DCC: variants seen among roughly 807,000 people sequenced by gnomAD.
DCC encodes the protein DCC netrin 1 receptor.
DCC carries 58 observed loss-of-function variants against 172.5 expected under a neutral mutation model. The ratio of observed to expected loss-of-function variants is 0.34; its 90% CI spans 0.27 to 0.42. DCC has a LOEUF of 0.42. Among genes scored for constraint, DCC ranks in the 10% least tolerant of loss-of-function variants. DCC has a pLI of 1.00. For missense variants in DCC, 1,740 were observed against 1,791.0 expected (o/e 0.97, Z 0.51); for synonymous variants, 709 against 644.5 (o/e 1.10, Z -1.52).
At chr18:52,557,332 G>A (rs12456338) in intron 1 of DCC, among the ~76,000 whole-genome samples, 1 of 152,042 alleles carries the variant, frequency 6.6e-6, no homozygotes, top group Non-Finnish European at 1.5e-5. Context: ...AAACCTTCAG[G>A]AATAAATCTA....
At chr18:52,460,929 G>A (rs182452655) in intron 1 of DCC, among the ~76,000 whole-genome samples, 26 of 152,230 alleles carry the variant, frequency 1.7e-4, no homozygotes, top group Middle Eastern at 3.4e-3. Flanking sequence ...TATAAACACC[G>A]TATACTGAAG....
chr18:53,016,397 C>G (rs568996256), intron 5 of DCC, among the ~76,000 whole-genome samples: 28 of 152,122 alleles, frequency 1.8e-4, no homozygotes, highest in Non-Finnish European at 3.1e-4. Context: ...AAGCATCATG[C>G]ATTTAGCTGA....
chr18:53,499,357 C>T lies in DCC; in HGVS notation c.3958C>T (p.His1320Tyr), dbSNP rs1240473031. 3 of 1,613,986 alleles carry T rather than the reference C, an allele frequency of 1.9e-6. No homozygotes were observed. The highest frequency in any genetic ancestry group is 2.5e-6 in the Non-Finnish European group (3 of 1,180,020). Residue 1320 changes from histidine (H) to tyrosine (Y), a missense_variant, in exon 27 of 29, where the codon CAT becomes TAT. Coordinates refer to ENST00000442544, the MANE Select transcript of DCC (RefSeq NM_005215.4). ...PPMLPPSQPE[H>Y]SSSEEAPSRT... ...TATGCTGCCCCCATCTCAGCCTGAGCATTCTAGCAGCGAGGAGGCACCAAG... is the reference window on the plus strand; with the variant it reads ...TATGCTGCCCCCATCTCAGCCTGAGTATTCTAGCAGCGAGGAGGCACCAAG...
chr18:52,990,259 G>A (rs1011286551), intron 5 of DCC, among the ~76,000 whole-genome samples: 3 of 151,952 alleles, frequency 2.0e-5, no homozygotes, highest in African/African-American at 4.8e-5. Flanking sequence ...TAAGCAAAGC[G>A]GGCAGGCGCA....
At chr18:52,528,259 T>C (rs2032042296) in intron 1 of DCC, among the ~76,000 whole-genome samples, 1 of 152,224 alleles carries the variant, frequency 6.6e-6, no homozygotes, top group Non-Finnish European at 1.5e-5. Context: ...AGTTATAACA[T>C]TCTTCAAAAA....
intron 1 of DCC, among the ~76,000 whole-genome samples, chr18:52,394,067 C>G (rs1468445276): frequency 6.6e-6 from 1 of 152,032 alleles, no homozygotes; most frequent in Non-Finnish European, 1.5e-5. Context: ...AATCCAGCAC[C>G]ATTTACAATA....
intron 9 of DCC, among the ~76,000 whole-genome samples, chr18:53,201,272 G>C (rs2055532519): frequency 6.6e-6 from 1 of 152,108 alleles, no homozygotes; most frequent in East Asian, 1.9e-4. Flanking sequence ...CCAAATCTCT[G>C]CTCCCAGATT....
Position 53,085,946 on chromosome 18 carries a change from T to G in DCC, c.1261+19780T>G. Among the ~76,000 whole-genome samples, 2 of 145,348 alleles carry G rather than the reference T, an allele frequency of 1.4e-5. 1 individual carries two copies. On this transcript the variant is annotated intron_variant, in intron 7 of 28. Transcript: ENST00000442544. ...CAGACCTCTGTCATTTCAGCTTTGG[T>G]GGAGTATTTTCTCTTCTTCTTCTTC...
chr18:52,974,639 G>A (rs1221968872), intron 5 of DCC, among the ~76,000 whole-genome samples: 3 of 152,184 alleles, frequency 2.0e-5, no homozygotes, highest in African/African-American at 7.2e-5. Flanking sequence ...TGTTTTCTGA[G>A]CCCACGTTGT....
At chr18:52,912,232 A>G (rs1313109808) in intron 3 of DCC, among the ~76,000 whole-genome samples, 1 of 152,088 alleles carries the variant, frequency 6.6e-6, no homozygotes, top group African/African-American at 2.4e-5. Flanking sequence ...AAGTAATACC[A>G]CATATTTCAT....
chr18:52,826,321 G>A (rs2038508188), intron 2 of DCC, among the ~76,000 whole-genome samples: 1 of 152,238 alleles, frequency 6.6e-6, no homozygotes, highest in Non-Finnish European at 1.5e-5. Context: ...AGGTGTCCCT[G>A]TGCCTACACG....
chr18:52,605,610 C>A (rs2034117467), intron 1 of DCC, among the ~76,000 whole-genome samples: 1 of 152,072 alleles, frequency 6.6e-6, no homozygotes, highest in South Asian at 2.1e-4. Context: ...TATATGTGGA[C>A]AATAGCATTC....
At chr18:52,795,486 G>A (rs62083274) in intron 2 of DCC, among the ~76,000 whole-genome samples, 1 of 151,790 alleles carries the variant, frequency 6.6e-6, no homozygotes, top group Non-Finnish European at 1.5e-5. Flanking sequence ...TCTAACTTAT[G>A]TGGGTCTTCT....
chr18:52,967,101 C>G (rs1261645464), intron 5 of DCC, among the ~76,000 whole-genome samples: 1 of 152,152 alleles, frequency 6.6e-6, no homozygotes, highest in Non-Finnish European at 1.5e-5. Context: ...TTCCTTTTCC[C>G]AGTCCAGTAT....
chr18:52,835,521 TTTG>T (rs1011059390), intron 2 of DCC, among the ~76,000 whole-genome samples: 6 of 152,212 alleles, frequency 3.9e-5, no homozygotes, highest in African/African-American at 1.4e-4. Context: ...GGAGACAGAT[TTTG>T]TTTTGATTTT....
At chr18:53,424,664 T>C (rs1264504477) in intron 21 of DCC, among the ~76,000 whole-genome samples, 2 of 152,104 alleles carry the variant, frequency 1.3e-5, no homozygotes, top group Non-Finnish European at 2.9e-5. Context: ...TGATCCCTTA[T>C]GTAGAGAAAT....
intron 2 of DCC, among the ~76,000 whole-genome samples, chr18:52,883,185 G>A (rs932419957): frequency 5.9e-5 from 9 of 151,940 alleles, no homozygotes; most frequent in African/African-American, 2.2e-4. Flanking sequence ...AGATCATTGG[G>A]TCTCATGTTT....
At chr18:53,269,056 A>C (rs2056716574) in intron 12 of DCC, among the ~76,000 whole-genome samples, 1 of 152,108 alleles carries the variant, frequency 6.6e-6, no homozygotes, top group Non-Finnish European at 1.5e-5. Flanking sequence ...ACTCAAGTTT[A>C]GAGTTCACAA....
At chr18:52,769,742 A>C (rs900318239) in intron 2 of DCC, among the ~76,000 whole-genome samples, 11 of 152,110 alleles carry the variant, frequency 7.2e-5, no homozygotes, top group Admixed American at 1.3e-4. Flanking sequence ...TCTGTGATTC[A>C]TTTTGAGTTA....
Sources: gnomAD v4.1 joint callset for allele counts (sites outside exome capture counted in the v4.1 genomes callset) on GRCh38, gnomAD v4.1.1 for gene constraint, MANE v1.5 for transcripts, NCBI Gene and HGNC (gene_info 2026-07-23, HGNC 2026-07-21) for gene names.